RANBP17: variants seen among roughly 807,000 people sequenced by gnomAD.
The protein encoded by RANBP17 is ran-binding protein 17.
In RANBP17, 158 loss-of-function variants were observed where a neutral mutation model predicts 141.2. That is an observed-to-expected ratio of 1.12 (90% confidence interval 0.98 to 1.28). The LOEUF (loss-of-function observed/expected upper bound fraction) is 1.28, where lower values mean the gene tolerates loss of function less well. Ranked by LOEUF, RANBP17 falls within the 50% of genes most tolerant of loss-of-function variation. The pLI is 0.00. For missense variants in RANBP17, 1,438 were observed against 1,290.7 expected, an observed-to-expected ratio of 1.11 and a Z score of -1.75; for synonymous variants, 430 against 450.0, an observed-to-expected ratio of 0.96 and a Z score of 0.56.
At chr5:170,947,684 C>G (rs1774871976) in intron 12 of RANBP17, among the ~76,000 whole-genome samples, 1 of 152,024 alleles carries the variant, frequency 6.6e-6, no homozygotes, top group African/African-American at 2.4e-5. Context: ...ACTCACCTGT[C>G]TGGTGTGTGT....
chr5:171,108,590 T>C (rs753808905), intron 14 of RANBP17, among the ~76,000 whole-genome samples: 18 of 152,044 alleles, frequency 1.2e-4, no homozygotes, highest in Non-Finnish European at 2.6e-4. Flanking sequence ...TTTTTTTATA[T>C]TTTGTAAAGA....
rs3080616 is a variant in RANBP17 at position 170,886,651 on chromosome 5, C to CTTTTTTTTTTTTTTTTT, written c.256+4762_256+4778dup. ...ACACTACACCATTCATTTGAGGTGCCTTTTTTTTTTTTTTTTTTTTTTTGA... is the reference window on the plus strand; with the variant it reads ...ACACTACACCATTCATTTGAGGTGCCTTTTTTTTTTTTTTTTTTTTTTTTTTTTTTTTTTTTTTTTGA... On this transcript the variant is annotated intron_variant, in intron 3 of 27. Coordinates refer to ENST00000523189, the MANE Select transcript of RANBP17 (RefSeq NM_022897.5). Among the ~76,000 whole-genome samples, 2 of 87,860 alleles carry CTTTTTTTTTTTTTTTTT rather than the reference C, an allele frequency of 2.3e-5. 1 individual carries two copies. The allele number at this position is 87,860 out of a possible 152,430, so 57.6% of individuals were successfully genotyped here. A position where few individuals can be genotyped will look rare whatever the true frequency, so the allele number is the denominator to read the frequency against.
rs1352365771 is a variant in RANBP17, at chr5:171,077,457, G to A, written c.1711-92673G>A. 4.6e-5 allele frequency among the ~76,000 whole-genome samples: 7 copies of A among 152,102 alleles called. No homozygotes were observed. In the East Asian group the frequency reaches 5.8e-4, roughly 13 times the overall value. ...ACAGGAAATACAGTGCCAAAGGAAC[G>A]TGTTTAAATTTACAGAACAAGACAG... On this transcript the variant is annotated intron_variant, in intron 14 of 27. Coordinates refer to ENST00000523189, the MANE Select transcript of RANBP17 (RefSeq NM_022897.5).
At chr5:171,137,501 T>C (rs1257502234) in intron 14 of RANBP17, among the ~76,000 whole-genome samples, 1 of 151,918 alleles carries the variant, frequency 6.6e-6, no homozygotes, top group African/African-American at 2.4e-5. Context: ...TATTTCTTAG[T>C]GGTCCCTGTA....
intron 14 of RANBP17, among the ~76,000 whole-genome samples, chr5:171,146,961 GAATAGTA>G (rs1225647477): frequency 3.0e-4 from 45 of 152,312 alleles, no homozygotes; most frequent in African/African-American, 9.4e-4. Context: ...TATAAAAGTA[GAATAGTA>G]ATAGTACTAT....
At chr5:171,113,139 A>G (rs1334945386) in intron 14 of RANBP17, among the ~76,000 whole-genome samples, 3 of 152,198 alleles carry the variant, frequency 2.0e-5, no homozygotes, top group Non-Finnish European at 4.4e-5. Context: ...TTGCAAATCT[A>G]TCTGAAGATG....
In RANBP17 at chr5:171,102,100, G is replaced by A. The variant is rs576297595; in HGVS notation, c.1711-68030G>A. Among the ~76,000 whole-genome samples the A allele has an allele frequency of 2.0e-5, 3 of 152,242 alleles. No homozygotes were observed. In the East Asian group the frequency reaches 5.8e-4, roughly 29 times the overall value. On this transcript the variant is annotated intron_variant, in intron 14 of 27. Coordinates refer to ENST00000523189, the MANE Select transcript of RANBP17 (RefSeq NM_022897.5). Reference sequence around the variant, plus strand: ...GTTGCTCTTCTCAAGGAGTATCTTTGTGGTTTTCTCTGTATTTTCTGAACT... The same window carrying A: ...GTTGCTCTTCTCAAGGAGTATCTTTATGGTTTTCTCTGTATTTTCTGAACT...
At chr5:171,267,758 A>G (rs1055779406) in intron 25 of RANBP17, among the ~76,000 whole-genome samples, 2 of 151,964 alleles carry the variant, frequency 1.3e-5, no homozygotes, top group Non-Finnish European at 2.9e-5. Flanking sequence ...AGTGAGCGAG[A>G]TCACACCACT....
At chr5:171,064,630 G>T (rs936610602) in intron 14 of RANBP17, among the ~76,000 whole-genome samples, 2 of 152,140 alleles carry the variant, frequency 1.3e-5, no homozygotes, top group Non-Finnish European at 2.9e-5. Context: ...CCAAGGAGCT[G>T]GGACTACAGA....
chr5:171,227,475 A>G (rs1457018098), intron 22 of RANBP17, among the ~76,000 whole-genome samples: 1 of 152,244 alleles, frequency 6.6e-6, no homozygotes, highest in African/African-American at 2.4e-5. Context: ...GGAAGCTAGC[A>G]GAGGTTGGTT....
At chr5:171,062,703 G>T (rs1205941241) in intron 14 of RANBP17, among the ~76,000 whole-genome samples, 1 of 152,112 alleles carries the variant, frequency 6.6e-6, no homozygotes, top group African/African-American at 2.4e-5. Flanking sequence ...CTGAATGTTG[G>T]CCTGCCTTTC....
chr5:171,052,293 GT>G (rs1280566889), intron 14 of RANBP17, among the ~76,000 whole-genome samples: 1 of 152,076 alleles, frequency 6.6e-6, no homozygotes, highest in Non-Finnish European at 1.5e-5. Flanking sequence ...GTTGCTTGTG[GT>G]TTTTGAGTCA....
chr5:171,044,817 T>C (rs78555312), intron 14 of RANBP17, among the ~76,000 whole-genome samples: 1 of 152,088 alleles, frequency 6.6e-6, no homozygotes, highest in African/African-American at 2.4e-5. Context: ...AAGAAATGAA[T>C]GGTTATCAAA....
intron 2 of RANBP17, among the ~76,000 whole-genome samples, chr5:170,880,387 C>G (rs1768557255): frequency 6.6e-6 from 1 of 152,142 alleles, no homozygotes. Flanking sequence ...TTGCTCCCAC[C>G]AGAAACTAGT....
chr5:171,136,875 T>A (rs1282348797), intron 14 of RANBP17, among the ~76,000 whole-genome samples: 1 of 152,160 alleles, frequency 6.6e-6, no homozygotes, highest in Non-Finnish European at 1.5e-5. Flanking sequence ...TTGTAGGAAA[T>A]CTTATCCCTA....
intron 12 of RANBP17, among the ~76,000 whole-genome samples, chr5:170,935,319 T>A (rs1014065586): frequency 1.4e-4 from 21 of 152,218 alleles, no homozygotes; most frequent in African/African-American, 4.8e-4. Flanking sequence ...ATCGTCAAAG[T>A]CATTCTCTGT....
intron 6 of RANBP17, chr5:170,910,013 C>A (rs1390121812): frequency 1.4e-5 from 4 of 289,366 alleles, no homozygotes; most frequent in Non-Finnish European, 1.9e-5. Flanking sequence ...AGTTTCATTG[C>A]CTTCCCAGTG....
At chr5:170,913,996 T>C (rs765638734) in intron 7 of RANBP17, among the ~76,000 whole-genome samples, 171 bp from the exon 8 acceptor site, 29 of 152,138 alleles carry the variant, frequency 1.9e-4, no homozygotes, top group Non-Finnish European at 4.0e-4. Flanking sequence ...AATTTCTCTC[T>C]GTATTATTTC....
At chr5:171,063,405 T>C (rs910210990) in intron 14 of RANBP17, among the ~76,000 whole-genome samples, 1 of 152,214 alleles carries the variant, frequency 6.6e-6, no homozygotes, top group Non-Finnish European at 1.5e-5. Flanking sequence ...GCAGGTCTGT[T>C]GGAGTTTGCA....
Sources: allele counts gnomAD v4.1 joint callset (sites outside exome capture counted in the v4.1 genomes callset), GRCh38; gene constraint gnomAD v4.1.1; transcripts MANE v1.5; gene names NCBI Gene and HGNC (gene_info 2026-07-23, HGNC 2026-07-21).